Variants in LRRC4C observed in about 807,000 individuals in gnomAD.
LRRC4C encodes the protein leucine rich repeat containing 4C.
In LRRC4C, 5 loss-of-function variants were observed where a neutral mutation model predicts 33.6. That is an observed-to-expected ratio of 0.15 (90% confidence interval 0.08 to 0.31). LRRC4C has a LOEUF of 0.31. Ranked by LOEUF, LRRC4C falls within the 10% of genes least tolerant of loss-of-function variation. The pLI is 1.00. For synonymous variants in LRRC4C, 329 were observed against 302.0 expected (o/e 1.09, Z -0.93); for missense variants, 560 against 796.7 (o/e 0.70, Z 3.58).
At chr11:40,926,328 G>A (rs1957405652) in intron 2 of LRRC4C, among the ~76,000 whole-genome samples, 1 of 151,816 alleles carries the variant, frequency 6.6e-6, no homozygotes, top group African/African-American at 2.4e-5. Context: ...TGCAGCTAAG[G>A]ACAAAAATGG....
chr11:40,704,602 T>G (rs1195024709), intron 2 of LRRC4C, among the ~76,000 whole-genome samples: 1 of 152,148 alleles, frequency 6.6e-6, no homozygotes, highest in African/African-American at 2.4e-5. Flanking sequence ...TGTTAGTTTT[T>G]GATGGAATAA....
At chr11:41,258,176 T>A (rs1948863886) in intron 1 of LRRC4C, among the ~76,000 whole-genome samples, 1 of 151,948 alleles carries the variant, frequency 6.6e-6, no homozygotes, top group African/African-American at 2.4e-5. Flanking sequence ...AGTATGCAGA[T>A]CCCTGATCGC....
chr11:40,494,305 C>G (rs138182462), intron 3 of LRRC4C, among the ~76,000 whole-genome samples: 2 of 152,106 alleles, frequency 1.3e-5, no homozygotes, highest in Non-Finnish European at 1.5e-5. Context: ...ATATTATATC[C>G]TGTAATTTCT....
At chr11:41,146,883 T>C (rs1342730142) in intron 1 of LRRC4C, among the ~76,000 whole-genome samples, 2 of 152,214 alleles carry the variant, frequency 1.3e-5, no homozygotes, top group East Asian at 1.9e-4. Flanking sequence ...ACTGAATGTA[T>C]GAAAATTCCT....
At chr11:41,390,343 G>A (rs1054450617) in intron 1 of LRRC4C, among the ~76,000 whole-genome samples, 1 of 151,822 alleles carries the variant, frequency 6.6e-6, no homozygotes, top group African/African-American at 2.4e-5. Flanking sequence ...TTTTGGTGAC[G>A]TTTCCATTGT....
At chr11:40,179,188 A>G (rs1234891392) in intron 5 of LRRC4C, among the ~76,000 whole-genome samples, 1 of 151,832 alleles carries the variant, frequency 6.6e-6, no homozygotes, top group Non-Finnish European at 1.5e-5. Flanking sequence ...AAACTATTCT[A>G]GAGACAGGGT....
rs1861729839 is a variant in LRRC4C, at chr11:40,190,292, T to G, written c.-95-49439A>C. Reference sequence around the variant, plus strand: ...AACTATAATTTGCAACATTGGCTGATCATTAGAAATCTTTTTGGGAGGTTA... The same window carrying G: ...AACTATAATTTGCAACATTGGCTGAGCATTAGAAATCTTTTTGGGAGGTTA... On this transcript the variant is annotated intron_variant, in intron 5 of 6. Coordinates refer to ENST00000528697, the MANE Select transcript of LRRC4C (RefSeq NM_001258419.2). Among the ~76,000 whole-genome samples, 3 of 152,350 alleles carry G rather than the reference T, an allele frequency of 2.0e-5. No individual in the cohort carries two copies. The South Asian group carries it at 6.2e-4, about 32-fold the overall frequency.
chr11:41,333,336 T>C (rs544222628), intron 1 of LRRC4C, among the ~76,000 whole-genome samples: 9 of 152,328 alleles, frequency 5.9e-5, no homozygotes, highest in Non-Finnish European at 8.8e-5. Flanking sequence ...TATTATTTTA[T>C]TCTAGAATGA....
intron 5 of LRRC4C, among the ~76,000 whole-genome samples, chr11:40,200,649 C>T (rs572684667): frequency 2.1e-4 from 32 of 150,182 alleles, no homozygotes; most frequent in Admixed American, 1.6e-3. Context: ...CTCAGTTCCC[C>T]GTAGTTTATT....
At chr11:40,774,221 C>T (rs919395352) in intron 2 of LRRC4C, among the ~76,000 whole-genome samples, 7 of 151,946 alleles carry the variant, frequency 4.6e-5, no homozygotes, top group Admixed American at 4.6e-4. Flanking sequence ...TATAGATATA[C>T]CACACTTAAA....
intron 2 of LRRC4C, among the ~76,000 whole-genome samples, chr11:40,667,754 A>T (rs1015184699): frequency 6.6e-6 from 1 of 152,196 alleles, no homozygotes; most frequent in Admixed American, 6.5e-5. Flanking sequence ...AATTAGGCCA[A>T]CAACAACAAG....
intron 1 of LRRC4C, among the ~76,000 whole-genome samples, chr11:41,218,293 C>T (rs1007274309): frequency 1.3e-5 from 2 of 152,186 alleles, no homozygotes; most frequent in Non-Finnish European, 2.9e-5. Flanking sequence ...ACTTAAGAAT[C>T]ATATAGAAAG....
intron 1 of LRRC4C, among the ~76,000 whole-genome samples, chr11:40,974,618 G>C (rs1851954661): frequency 6.6e-6 from 1 of 152,162 alleles, no homozygotes; most frequent in Admixed American, 6.5e-5. Context: ...CTGTCAACTT[G>C]ACTGAATTCA....
intron 2 of LRRC4C, among the ~76,000 whole-genome samples, chr11:40,759,598 C>A (rs1949105924): frequency 1.3e-5 from 2 of 151,780 alleles, no homozygotes; most frequent in Admixed American, 6.6e-5. Context: ...TTGCAGCAAC[C>A]TAGTATATCC....
At chr11:40,395,375 G>A (rs1305917349) in intron 3 of LRRC4C, among the ~76,000 whole-genome samples, 1 of 152,064 alleles carries the variant, frequency 6.6e-6, no homozygotes, top group African/African-American at 2.4e-5. Flanking sequence ...TCTTCACAGT[G>A]CCTTCTGGGT....
At chr11:40,563,562 T>G (rs1187221061) in intron 3 of LRRC4C, among the ~76,000 whole-genome samples, 1 of 152,160 alleles carries the variant, frequency 6.6e-6, no homozygotes, top group Non-Finnish European at 1.5e-5. Context: ...TGGTAGATGC[T>G]TCTTCGGTAT....
At chr11:41,155,759 ATCT>A (rs1386952825) in intron 1 of LRRC4C, among the ~76,000 whole-genome samples, 1 of 152,172 alleles carries the variant, frequency 6.6e-6, no homozygotes. Flanking sequence ...AATGTAACTA[ATCT>A]TCTGAATAAT....
chr11:41,187,548 C>A (rs2136192171), intron 1 of LRRC4C, among the ~76,000 whole-genome samples: 1 of 152,272 alleles, frequency 6.6e-6, no homozygotes, highest in Admixed American at 6.5e-5. Flanking sequence ...TTGCTGAGAG[C>A]TACTGCTCAA....
chr11:40,117,124 T>C (rs552750258), intron 6 of LRRC4C, among the ~76,000 whole-genome samples: 1 of 152,348 alleles, frequency 6.6e-6, no homozygotes, highest in South Asian at 2.1e-4. Flanking sequence ...AAATCAGGGC[T>C]CAGATGCTCA....
Sources: gnomAD v4.1 joint callset for allele counts (sites outside exome capture counted in the v4.1 genomes callset) on GRCh38, gnomAD v4.1.1 for gene constraint, MANE v1.5 for transcripts, NCBI Gene and HGNC (gene_info 2026-07-23, HGNC 2026-07-21) for gene names.